The following RABGAP1 variants were observed in gnomAD, a reference collection of about 807,000 sequenced individuals.
The protein encoded by RABGAP1 is RAB GTPase activating protein 1, also known as rab GTPase-activating protein 1.
A neutral mutation model predicts 137.6 loss-of-function variants in RABGAP1; 23 were observed. The observed-to-expected ratio is 0.17, with a 90% CI of 0.12 to 0.24. The LOEUF (loss-of-function observed/expected upper bound fraction) is 0.24. Ranked by LOEUF, RABGAP1 falls within the 10% of genes least tolerant of loss-of-function variation. The pLI is 1.00. For synonymous variants in RABGAP1, 451 were observed against 450.7 expected (o/e 1.00, Z -0.01); for missense variants, 906 against 1,275.8 (o/e 0.71, Z 4.42).
At chr9:122,935,682 A>C in the RABGAP1 span, among the ~76,000 whole-genome samples, 12 of 152,214 alleles carry the variant, frequency 7.9e-5, no homozygotes, top group Non-Finnish European at 1.0e-4. Context: ...AAATCAGAGA[A>C]AATAAAAAGT....
At chr9:123,044,820 G>A (rs1438038665) in intron 13 of RABGAP1, among the ~76,000 whole-genome samples, 1 of 152,094 alleles carries the variant, frequency 6.6e-6, no homozygotes, top group Non-Finnish European at 1.5e-5. Flanking sequence ...CTAGGCTCAG[G>A]GTGGAGTAGA....
chr9:122,976,957 G>C (rs1469626311), intron 2 of RABGAP1, among the ~76,000 whole-genome samples: 1 of 152,190 alleles, frequency 6.6e-6, no homozygotes, highest in Non-Finnish European at 1.5e-5. Context: ...TACAAAGTAT[G>C]GGTGCTTGAA....
intron 12 of RABGAP1, among the ~76,000 whole-genome samples, chr9:123,018,375 A>G (rs1241066866): frequency 6.6e-6 from 1 of 152,228 alleles, no homozygotes; most frequent in Admixed American, 6.5e-5. Flanking sequence ...TAAGCTAGTA[A>G]GGTTAGCAGG....
Position 122,943,072 on chromosome 9 carries a change from C to CTT in RABGAP1, c.-50+2007_-50+2008dup, listed in dbSNP as rs10582436. Among the ~76,000 whole-genome samples, 79 of 116,160 alleles carry CTT rather than the reference C, an allele frequency of 6.8e-4. 3 individuals carry two copies. The highest frequency in any genetic ancestry group is 3.0e-3 in the African/African-American group (71 of 23,650). The allele number at this position is 116,160 out of a possible 152,430, so 76.2% of individuals were successfully genotyped here. A position where few individuals can be genotyped will look rare whatever the true frequency, so the allele number is the denominator to read the frequency against. Reference sequence around the variant, plus strand: ...ATATAGTCATGTTGTGGTGCACTTTCTTTTTTTTTTTTTTTTTTTTTTTTT... The same window carrying CTT: ...ATATAGTCATGTTGTGGTGCACTTTCTTTTTTTTTTTTTTTTTTTTTTTTTTT... On this transcript the variant is annotated intron_variant, in intron 1 of 25. Transcript: ENST00000373647.
intron 13 of RABGAP1, among the ~76,000 whole-genome samples, chr9:123,037,228 TC>T (rs2031495351): frequency 6.6e-6 from 1 of 152,232 alleles, no homozygotes; most frequent in South Asian, 2.1e-4. Context: ...TGGTTTTCCA[TC>T]ATGATGCCAG....
intron 13 of RABGAP1, among the ~76,000 whole-genome samples, chr9:123,045,541 TAAAAC>T (rs747566299): frequency 3.9e-5 from 6 of 152,176 alleles, no homozygotes; most frequent in East Asian, 1.9e-4. Context: ...GAAATAAAGT[TAAAAC>T]AAAATGTAGA....
chr9:123,035,703 C>G, intron 13 of RABGAP1: 1 of 845,708 alleles, frequency 1.2e-6, no homozygotes. Context: ...CTAAGTATTC[C>G]TAATTCACTA....
intron 10 of RABGAP1, among the ~76,000 whole-genome samples, chr9:123,006,643 G>A (rs957551956): frequency 3.3e-5 from 5 of 152,076 alleles, no homozygotes; most frequent in African/African-American, 1.2e-4. Flanking sequence ...GTCTCACTCT[G>A]TCAACCCAGG....
intron 10 of RABGAP1, among the ~76,000 whole-genome samples, chr9:123,002,371 T>A (rs201986275): frequency 0.09 from 13,420 of 148,552 alleles, 1,645 homozygotes; most frequent in East Asian, 0.6. Flanking sequence ...TATATATATT[T>A]TTTTTTTACT....
At chr9:122,969,758 G>A (rs1050112316) in intron 2 of RABGAP1, among the ~76,000 whole-genome samples, 1 of 152,148 alleles carries the variant, frequency 6.6e-6, no homozygotes, top group African/African-American at 2.4e-5. Flanking sequence ...TAGAGACAAG[G>A]TCTTCATATG....
At chr9:123,048,879 A>G (rs566123844) in intron 13 of RABGAP1, among the ~76,000 whole-genome samples, 1 of 152,352 alleles carries the variant, frequency 6.6e-6, no homozygotes, top group African/African-American at 2.4e-5. Flanking sequence ...TGCAGTTAGC[A>G]TTTATGTCTT....
intron 2 of RABGAP1, among the ~76,000 whole-genome samples, chr9:122,967,777 T>C (rs551847395): frequency 6.6e-6 from 1 of 152,116 alleles, no homozygotes; most frequent in East Asian, 1.9e-4. Context: ...AGTTTCACTC[T>C]TGTTGCCCAG....
intron 13 of RABGAP1, among the ~76,000 whole-genome samples, chr9:123,057,746 A>T (rs803735): frequency 0.25 from 37,676 of 152,064 alleles, 6,053 homozygotes; most frequent in Non-Finnish European, 0.37. Context: ...ACGCCACTGC[A>T]CTCCAGCCTG....
At chr9:122,954,564 G>A (rs1337809337) in intron 1 of RABGAP1, among the ~76,000 whole-genome samples, 2 of 152,102 alleles carry the variant, frequency 1.3e-5, no homozygotes. Flanking sequence ...AGTATACAAA[G>A]TTGTTAGTGT....
chr9:123,016,433 G>A (rs1017474763), intron 12 of RABGAP1, among the ~76,000 whole-genome samples: 1 of 152,186 alleles, frequency 6.6e-6, no homozygotes, highest in Admixed American at 6.5e-5. Flanking sequence ...CTTGAGCATA[G>A]GAGTTTGAGG....
intron 24 of RABGAP1, among the ~76,000 whole-genome samples, chr9:123,101,255 G>T (rs2035336822): frequency 6.6e-6 from 1 of 151,698 alleles, no homozygotes; most frequent in South Asian, 2.1e-4. Context: ...CTGCTTTTTT[G>T]CCTGTCTCCA....
intron 13 of RABGAP1, among the ~76,000 whole-genome samples, chr9:123,045,653 G>A (rs1247057797): frequency 1.3e-5 from 2 of 152,022 alleles, no homozygotes; most frequent in African/African-American, 2.4e-5. Flanking sequence ...TATAGGAGTT[G>A]GTTTAAGATC....
chr9:122,976,536 G>T (rs1298010324), intron 2 of RABGAP1, among the ~76,000 whole-genome samples: 1 of 152,152 alleles, frequency 6.6e-6, no homozygotes, highest in African/African-American at 2.4e-5. Context: ...AAGTCATTCA[G>T]ATTTCCTTTC....
chr9:123,016,754 G>T (rs2031259757), intron 12 of RABGAP1, among the ~76,000 whole-genome samples: 1 of 152,110 alleles, frequency 6.6e-6, no homozygotes. Context: ...TTACTTTGGG[G>T]TTTGATTTTT....
Sources: gnomAD v4.1 joint callset for allele counts (sites outside exome capture counted in the v4.1 genomes callset) on GRCh38, gnomAD v4.1.1 for gene constraint, MANE v1.5 for transcripts, NCBI Gene and HGNC (gene_info 2026-07-23, HGNC 2026-07-21) for gene names.